TMIE: variants seen among roughly 807,000 people sequenced by gnomAD.
TMIE encodes transmembrane inner ear expressed protein.
A neutral mutation model predicts 16.8 loss-of-function variants in TMIE; 14 were observed. That is an observed-to-expected ratio of 0.83 (90% CI 0.55 to 1.30). TMIE has a LOEUF of 1.30. TMIE is among the 50% of genes most tolerant of loss of function. The pLI is 0.00. For synonymous variants in TMIE, 75 were observed against 87.2 expected, an observed-to-expected ratio of 0.86 and a Z score of 0.78; for missense variants, 204 against 205.9, an observed-to-expected ratio of 0.99 and a Z score of 0.06.
upstream of TMIE, among the ~76,000 whole-genome samples, chr3:46,698,171 C>A (rs1430828193): frequency 1.3e-5 from 2 of 152,062 alleles, no homozygotes; most frequent in Non-Finnish European, 2.9e-5. Flanking sequence ...CTGCCTCAGC[C>A]TCCCGACTAG....
chr3:46,701,338 C>A, upstream of TMIE: 1 of 574,462 alleles, frequency 1.7e-6, no homozygotes, highest in Non-Finnish European at 2.8e-6. This position sits in a 1 kb window ranked among gnomAD's most constrained non-coding sequence, Gnocchi z 4.3. Flanking sequence ...GGGCGGGCGG[C>A]GCGGGAACCT....
chr3:46,695,339 T>C (rs1700387100), intron 1 of TMIE, among the ~76,000 whole-genome samples: 1 of 152,200 alleles, frequency 6.6e-6, no homozygotes, highest in Non-Finnish European at 1.5e-5. Flanking sequence ...TGCTTTCCTC[T>C]TGCTGTGTGA....
intron 1 of TMIE, among the ~76,000 whole-genome samples, chr3:46,705,410 C>G (rs74610487): frequency 6.6e-6 from 1 of 152,170 alleles, no homozygotes; most frequent in Non-Finnish European, 1.5e-5. Flanking sequence ...TTAGCCAGCA[C>G]CCCCCAGGCC....
intron 1 of TMIE, among the ~76,000 whole-genome samples, chr3:46,704,637 G>T (rs1327981876): frequency 1.4e-5 from 2 of 147,396 alleles, no homozygotes; most frequent in Non-Finnish European, 3.0e-5. Flanking sequence ...ACCCAGGGTG[G>T]ACCATGTCCC....
chr3:46,696,617 A>C (rs1351273323), upstream of TMIE, among the ~76,000 whole-genome samples: 1 of 150,158 alleles, frequency 6.7e-6, no homozygotes, highest in African/African-American at 2.5e-5. Context: ...CTCATTTCCT[A>C]CCCCCAGCTC....
intron 1 of TMIE, among the ~76,000 whole-genome samples, chr3:46,705,152 A>C (rs373052955): frequency 6.6e-6 from 1 of 152,138 alleles, no homozygotes. Context: ...TGCTCTATTC[A>C]GGCTTGCTAC....
chr3:46,705,970 C>A (rs145826787), intron 2 of TMIE, 63 bp downstream of exon 2: 3 of 1,525,470 alleles, frequency 2.0e-6, no homozygotes, highest in South Asian at 1.1e-5. Context: ...CCCCTGCCCC[C>A]CAGAGGGCTC....
In TMIE at chr3:46,710,115, C is replaced by G. The variant is rs1409002844; in HGVS notation, c.*427C>G. 1 of 287,590 alleles carries G rather than the reference C, an allele frequency of 3.5e-6. No homozygotes were observed. Among genetic ancestry groups the G allele is most frequent in the African/African-American group, 2.2e-5 (1 of 46,148 alleles). 17.8% of individuals were successfully genotyped at this position (287,590 alleles called of 1,614,324 possible). A position where few individuals can be genotyped will look rare whatever the true frequency, so the allele number is the denominator to read the frequency against. ...CATGGGTCAGGGTGTGAGGCCACACCCAGAGTAGCCATGAGGAGGCAGAGA... is the reference window on the plus strand; with the variant it reads ...CATGGGTCAGGGTGTGAGGCCACACGCAGAGTAGCCATGAGGAGGCAGAGA... On this transcript the variant is annotated 3_prime_UTR_variant, in exon 4 of 4. Transcript: ENST00000643606.
At chr3:46,694,161 G>C (rs1700339153), upstream of TMIE, among the ~76,000 whole-genome samples, 1 of 152,198 alleles carries the variant, frequency 6.6e-6, no homozygotes, top group South Asian at 2.1e-4. Context: ...AGCCTGTAGA[G>C]GGGTATACTG....
upstream of TMIE, among the ~76,000 whole-genome samples, chr3:46,698,737 T>G (rs1485370652): frequency 6.6e-6 from 1 of 152,246 alleles, no homozygotes. Context: ...AAGCTATGAA[T>G]TTACCAAAAA....
chr3:46,696,962 G>A (rs1700416604), upstream of TMIE, among the ~76,000 whole-genome samples: 1 of 152,160 alleles, frequency 6.6e-6, no homozygotes, highest in Non-Finnish European at 1.5e-5. Context: ...CTCCTAAGAA[G>A]CAGAAACAGT....
upstream of TMIE, chr3:46,701,275 C>A: frequency 4.6e-6 from 2 of 438,352 alleles, no homozygotes; most frequent in South Asian, 7.8e-5. The surrounding 1 kb of genome is among the most constrained non-coding windows in gnomAD (Gnocchi z 4.3). Flanking sequence ...GGGGAGCCTG[C>A]GGCCCGATCT....
At chr3:46,696,381 G>T (rs1700412027) in intron 1 of TMIE, among the ~76,000 whole-genome samples, 1 of 152,202 alleles carries the variant, frequency 6.6e-6, no homozygotes, top group Admixed American at 6.5e-5. Flanking sequence ...ACTCCCATGT[G>T]CACCAGTGCC....
rs1057517839 is a variant in TMIE at position 46,701,579 on chromosome 3, A to G, written c.92A>G (p.Glu31Gly). ...GCGGGGGTTGCCGGGCAGCTGGTGG[A>G]GGTGAGGCCGCGGCACGGAGGGACT... ...CLAGVAGQLVEPSTAPPKPKP... is the reference protein window; with the variant it reads ...CLAGVAGQLVGPSTAPPKPKP... Residue 31 changes from glutamate to glycine, a missense_variant and splice_region_variant, in exon 1 of 4, where the codon GAG becomes GGG. By Grantham distance (98) the Glu-to-Gly change is moderately conservative. Transcript: ENST00000643606. The surrounding 1 kb of genome is among the most constrained non-coding windows in gnomAD (Gnocchi z 4.3). 12 of 1,281,500 alleles carry G rather than the reference A, an allele frequency of 9.4e-6. No individual in the cohort carries two copies. In the South Asian group the frequency reaches 3.0e-4, roughly 32 times the overall value. 79.4% of individuals were successfully genotyped at this position (1,281,500 alleles called of 1,614,324 possible). A position where few individuals can be genotyped will look rare whatever the true frequency, so the allele number is the denominator to read the frequency against.
chr3:46,696,050 C>T (rs1490410955), intron 1 of TMIE, among the ~76,000 whole-genome samples: 1 of 152,204 alleles, frequency 6.6e-6, no homozygotes, highest in East Asian at 1.9e-4. Flanking sequence ...GGGCCCCTAG[C>T]CAATCCCACC....
intron 3 of TMIE, 121 bp downstream of exon 3, chr3:46,709,396 C>G (rs1378192123): frequency 6.3e-6 from 10 of 1,596,906 alleles, no homozygotes; most frequent in Non-Finnish European, 7.7e-6. Flanking sequence ...AGCCCTGCCC[C>G]TGGAGACCAG....
At chr3:46,708,951 C>T (rs1020671144) in intron 2 of TMIE, among the ~76,000 whole-genome samples, 175 bp from the exon 3 acceptor site, 4 of 152,230 alleles carry the variant, frequency 2.6e-5, no homozygotes, top group African/African-American at 9.6e-5. Flanking sequence ...CTTAGGAAAG[C>T]CACCTTGGTC....
intron 2 of TMIE, among the ~76,000 whole-genome samples, chr3:46,707,405 C>A (rs1372126864): frequency 6.6e-6 from 1 of 152,228 alleles, no homozygotes; most frequent in Non-Finnish European, 1.5e-5. Flanking sequence ...TCCCAAGACA[C>A]CTGAGCAGCA....
At chr3:46,705,699 G>C in intron 1 of TMIE, 91 bp from the exon 2 acceptor site, 1 of 1,046,180 alleles carries the variant, frequency 9.6e-7, no homozygotes, top group Non-Finnish European at 1.5e-6. Context: ...GATATGCTTG[G>C]GCTGAGTGTT....
Sources: gnomAD v4.1 joint callset for allele counts (sites outside exome capture counted in the v4.1 genomes callset) on GRCh38, gnomAD v4.1.1 for gene constraint, Gnocchi (gnomAD v3.1) non-coding constraint, MANE v1.5 for transcripts, NCBI Gene and HGNC (gene_info 2026-07-23, HGNC 2026-07-21) for gene names.